Variants in ZFAT observed in about 807,000 individuals in gnomAD.
ZFAT encodes the protein zinc finger protein ZFAT.
In ZFAT, 64 loss-of-function variants were observed where a neutral mutation model predicts 117.7. The observed-to-expected ratio is 0.54, with a 90% CI of 0.44 to 0.67. ZFAT has a LOEUF of 0.67. Among genes scored for constraint, ZFAT ranks in the 30% least tolerant of loss-of-function variants. The probability of loss-of-function intolerance (pLI) is 0.00; values close to 1 mark genes in which losing one functional copy is unlikely to be tolerated. For missense variants in ZFAT, 1,433 were observed against 1,584.5 expected, an observed-to-expected ratio of 0.90 and a Z score of 1.62; for synonymous variants, 679 against 615.0, an observed-to-expected ratio of 1.10 and a Z score of -1.54.
At position 134,478,853 on chromosome 8, in the gene ZFAT, T is replaced by C. The variant is rs1351114102; in HGVS notation, c.3493-132A>G. ...ACGTCCATTCTCCACGGATCCTCTC[T>C]ACCAGGCTGTGCTTGCTCTCATGCC... On this transcript the variant is annotated intron_variant, in intron 15 of 15. Transcript: ENST00000377838. The surrounding 1 kb of genome is among the most constrained non-coding windows in gnomAD (Gnocchi z 5.2). The C allele has an allele frequency of 1.5e-6, 2 of 1,335,602 alleles. No individual in the cohort carries two copies. Among genetic ancestry groups the C allele is most frequent in the East Asian group, 2.5e-5 (1 of 39,516 alleles). The allele number at this position is 1,335,602 out of a possible 1,614,324, so 82.7% of individuals were successfully genotyped here. A position where few individuals can be genotyped will look rare whatever the true frequency, so the allele number is the denominator to read the frequency against.
intron 11 of ZFAT, among the ~76,000 whole-genome samples, chr8:134,555,148 C>G (rs1823475043): frequency 6.6e-6 from 1 of 152,206 alleles, no homozygotes; most frequent in Non-Finnish European, 1.5e-5. Context: ...TGCCAAGGGT[C>G]TTCTCCAAGT....
In ZFAT at chr8:134,655,740, G is replaced by A. The variant is rs577899696; in HGVS notation, c.196+1821C>T. Among the ~76,000 whole-genome samples the A allele has an allele frequency of 2.0e-5, 3 of 152,286 alleles. No homozygotes were observed. The South Asian group carries it at 6.2e-4, about 32-fold the overall frequency. On this transcript the variant is annotated intron_variant, in intron 2 of 15. Coordinates refer to ENST00000377838, the MANE Select transcript of ZFAT (RefSeq NM_020863.4). ...AATCTTAATAAGCAAAGAACTAAAA[G>A]CTTTGCAAGAGCCAGTCTAGAAGTT...
intron 11 of ZFAT, among the ~76,000 whole-genome samples, chr8:134,547,952 T>C (rs1288985083): frequency 6.6e-6 from 1 of 152,086 alleles, no homozygotes; most frequent in Non-Finnish European, 1.5e-5. Flanking sequence ...CTGGCAACTG[T>C]GAGAGGAGGG....
chr8:134,676,045 A>G (rs1402259629), intron 1 of ZFAT, among the ~76,000 whole-genome samples: 1 of 152,202 alleles, frequency 6.6e-6, no homozygotes, highest in Non-Finnish European at 1.5e-5. Context: ...ACTAATGGGC[A>G]AAATAACCAG....
chr8:134,540,159 AAG>A (rs1822143643), intron 11 of ZFAT, among the ~76,000 whole-genome samples: 1 of 152,222 alleles, frequency 6.6e-6, no homozygotes. Context: ...ATAAAGTGAA[AAG>A]AGAAGCAGGA....
the ZFAT span, among the ~76,000 whole-genome samples, chr8:134,756,646 T>C: frequency 6.6e-6 from 1 of 152,228 alleles, no homozygotes; most frequent in African/African-American, 2.4e-5. Context: ...CTGGGAACTG[T>C]GGTCAGTGGC....
At chr8:134,804,264 T>A in the ZFAT span, among the ~76,000 whole-genome samples, 3 of 152,102 alleles carry the variant, frequency 2.0e-5, no homozygotes, top group Admixed American at 6.6e-5. Flanking sequence ...GGAAAAATAT[T>A]AATATAAAAA....
Position 134,494,725 on chromosome 8 carries a change from AT to A in ZFAT, c.3492+14893del, listed in dbSNP as rs368343238. On this transcript the variant is annotated intron_variant, in intron 15 of 15. Coordinates refer to ENST00000377838, the MANE Select transcript of ZFAT (RefSeq NM_020863.4). The stretch of plus-strand genomic sequence containing the variant: ...AAACTCCCAGGAATAAAGTGTTTTT[AT>A]TTTTTGTTTAAAATATGTTTATCAT... 1.8e-4 allele frequency among the ~76,000 whole-genome samples: 27 copies of A among 152,310 alleles called. 1 individual carries two copies. In the East Asian group the frequency reaches 3.1e-3, roughly 17 times the overall value.
At chr8:134,742,669 C>T in the ZFAT span, among the ~76,000 whole-genome samples, 1 of 152,240 alleles carries the variant, frequency 6.6e-6, no homozygotes, top group Non-Finnish European at 1.5e-5. Flanking sequence ...TCATCGTTCT[C>T]GCACTGCAAG....
At chr8:134,707,415 C>A (rs1834178780) in intron 1 of ZFAT, among the ~76,000 whole-genome samples, 1 of 151,966 alleles carries the variant, frequency 6.6e-6, no homozygotes, top group South Asian at 2.1e-4. Context: ...AAACTGATGA[C>A]CAGCCTAATA....
At chr8:134,778,682 T>A in the ZFAT span, among the ~76,000 whole-genome samples, 1 of 152,164 alleles carries the variant, frequency 6.6e-6, no homozygotes, top group Non-Finnish European at 1.5e-5. Context: ...ATGAAAAGAA[T>A]GCAAAGGAAG....
At chr8:134,690,191 T>C (rs1290397605) in intron 1 of ZFAT, among the ~76,000 whole-genome samples, 1 of 152,136 alleles carries the variant, frequency 6.6e-6, no homozygotes, top group East Asian at 1.9e-4. Context: ...AATACACAGG[T>C]TCTACTCCCT....
the ZFAT span, among the ~76,000 whole-genome samples, chr8:134,731,853 C>T: frequency 6.6e-6 from 1 of 152,194 alleles, no homozygotes; most frequent in South Asian, 2.1e-4. Flanking sequence ...GGAATTCATA[C>T]CTATGAGTGT....
chr8:134,513,232 C>G (rs1179543917), intron 13 of ZFAT, among the ~76,000 whole-genome samples: 1 of 146,462 alleles, frequency 6.8e-6, no homozygotes, highest in African/African-American at 2.5e-5. Flanking sequence ...GAGTCTCGCT[C>G]TGTCACCCAG....
At chr8:134,770,707 C>T in the ZFAT span, among the ~76,000 whole-genome samples, 1 of 152,226 alleles carries the variant, frequency 6.6e-6, no homozygotes, top group African/African-American at 2.4e-5. Context: ...CCATATTTCT[C>T]TTCTTTCAAA....
chr8:134,600,546 C>T lies in ZFAT; in HGVS notation c.2365G>A (p.Val789Ile), dbSNP rs753877810. 2.2e-5 allele frequency: 36 copies of T among 1,614,110 alleles called. 1 individual carries two copies. The highest frequency in any genetic ancestry group is 8.3e-5 in the Admixed American group (5 of 60,012). The change falls in exon 7 of 16, where the codon GTA (valine) becomes ATA (isoleucine). Residue 789 changes from valine (V) to isoleucine (I), a missense_variant. Val to Ile is a conservative substitution (Grantham distance 29). Around this residue, in one of 5 missense-constraint regions of ZFAT, gnomAD observed 49 missense variants for 81.5 expected, o/e 0.60. Coordinates refer to ENST00000377838, the MANE Select transcript of ZFAT (RefSeq NM_020863.4). ...AAGATGTTACTGTGTTTCTGAATTA[C>T]GTGGCGTTTAAGGCAGTTTTTGGTG... ...SITKNCLKRH[V>I]IQKHSNILLK...
the ZFAT span, among the ~76,000 whole-genome samples, chr8:134,829,143 T>C: frequency 2.0e-5 from 3 of 152,214 alleles, no homozygotes; most frequent in African/African-American, 7.2e-5. Context: ...GTGAAAAGCA[T>C]TTTAATTAGG....
At chr8:134,711,992 A>C (rs529139626) in intron 1 of ZFAT, among the ~76,000 whole-genome samples, 1 of 152,120 alleles carries the variant, frequency 6.6e-6, no homozygotes, top group South Asian at 2.1e-4. Context: ...GGTCACTTGG[A>C]CTCCAGCAAA....
At chr8:134,493,603 C>A (rs1307586968) in intron 15 of ZFAT, among the ~76,000 whole-genome samples, 1 of 152,254 alleles carries the variant, frequency 6.6e-6, no homozygotes, top group Admixed American at 6.5e-5. Flanking sequence ...GAGAGCTCCA[C>A]ATGGTAGAGA....
Sources: gnomAD v4.1 joint callset for allele counts (sites outside exome capture counted in the v4.1 genomes callset) on GRCh38, gnomAD v4.1.1 for gene constraint, gnomAD v4.1.1 regional missense constraint, Gnocchi (gnomAD v3.1) non-coding constraint, MANE v1.5 for transcripts, NCBI Gene and HGNC (gene_info 2026-07-23, HGNC 2026-07-21) for gene names.